XXYLT1: variants seen among roughly 807,000 people sequenced by gnomAD.
The protein encoded by XXYLT1 is UDP-xylose:alpha-xyloside alpha-1,3-xylosyltransferase.
In XXYLT1, 20 loss-of-function variants were observed where a neutral mutation model predicts 28.9. The ratio of observed to expected loss-of-function variants is 0.69; its 90% CI spans 0.49 to 1.00. XXYLT1 has a LOEUF of 1.00. Among genes scored for constraint, XXYLT1 ranks in the 50% least tolerant of loss-of-function variants. The pLI is 0.00. For missense variants in XXYLT1, 542 were observed against 560.1 expected (o/e 0.97, Z 0.33); for synonymous variants, 257 against 253.8 (o/e 1.01, Z -0.12).
chr3:195,127,443 C>T (rs1002134324), intron 3 of XXYLT1, among the ~76,000 whole-genome samples: 8 of 152,020 alleles, frequency 5.3e-5, no homozygotes, highest in Non-Finnish European at 8.8e-5. Flanking sequence ...GCAAAGATTT[C>T]GAGGTGGCAT....
intron 1 of XXYLT1, among the ~76,000 whole-genome samples, chr3:195,245,383 C>G (rs1248661940): frequency 6.6e-6 from 1 of 151,850 alleles, no homozygotes. Flanking sequence ...TGGTCTTGAA[C>G]TCCTGCAAGT....
At chr3:195,164,319 A>G (rs1227089020) in intron 2 of XXYLT1, among the ~76,000 whole-genome samples, 1 of 152,144 alleles carries the variant, frequency 6.6e-6, no homozygotes, top group African/African-American at 2.4e-5. Flanking sequence ...GCTGCAGTGG[A>G]GCCGCTGCTG....
chr3:195,110,771 GTGTGTGTGGTGTATAAGTGTA>G (rs1717637295), intron 3 of XXYLT1, among the ~76,000 whole-genome samples: 2 of 6,488 alleles, frequency 3.1e-4, no homozygotes, highest in Non-Finnish European at 3.6e-4. Context: ...TGTGTGTGGT[GTGTGTGTGGTGTATAAGTGTA>G]TGTGGTGTAT....
chr3:195,193,070 A>G (rs1394489198), intron 2 of XXYLT1, among the ~76,000 whole-genome samples: 1 of 152,096 alleles, frequency 6.6e-6, no homozygotes, highest in South Asian at 2.1e-4. Context: ...CAGATCACCT[A>G]AAGTCAGAAG....
At chr3:195,262,888 G>A (rs1421512721) in intron 1 of XXYLT1, among the ~76,000 whole-genome samples, 1 of 152,156 alleles carries the variant, frequency 6.6e-6, no homozygotes, top group Non-Finnish European at 1.5e-5. Flanking sequence ...GATAAAATAT[G>A]CACTGTTCTC....
chr3:195,212,988 C>T (rs771794903), intron 2 of XXYLT1, among the ~76,000 whole-genome samples: 1 of 152,218 alleles, frequency 6.6e-6, no homozygotes, highest in African/African-American at 2.4e-5. Context: ...CCCCGGGGCC[C>T]CCACCACAAT....
intron 3 of XXYLT1, among the ~76,000 whole-genome samples, chr3:195,104,843 T>C (rs1716999969): frequency 6.6e-6 from 1 of 152,210 alleles, no homozygotes; most frequent in Non-Finnish European, 1.5e-5. Flanking sequence ...GTCTGGTCTG[T>C]GGAATATCAG....
intron 3 of XXYLT1, among the ~76,000 whole-genome samples, chr3:195,143,516 C>T (rs1176626247): frequency 6.6e-6 from 1 of 152,030 alleles, no homozygotes; most frequent in African/African-American, 2.4e-5. Flanking sequence ...TCACACAAAA[C>T]AAAACACAGA....
intron 1 of XXYLT1, among the ~76,000 whole-genome samples, chr3:195,242,426 C>G: frequency 6.6e-6 from 1 of 152,132 alleles, no homozygotes; most frequent in East Asian, 1.9e-4. Context: ...ACTACTGATA[C>G]GACTTTGATG....
intron 1 of XXYLT1, among the ~76,000 whole-genome samples, chr3:195,229,370 G>C (rs1042237379): frequency 1.3e-5 from 2 of 152,114 alleles, no homozygotes; most frequent in Non-Finnish European, 2.9e-5. Context: ...ATCACCTCAA[G>C]CATTTATCCT....
At position 195,240,537 on chromosome 3, in the gene XXYLT1, G is replaced by A. The variant is rs912885896; in HGVS notation, c.505-13681C>T. Among the ~76,000 whole-genome samples the A allele has an allele frequency of 6.6e-6, 1 of 152,256 alleles. No homozygotes were observed. Among genetic ancestry groups the A allele is most frequent in the Non-Finnish European group, 1.5e-5 (1 of 68,040 alleles). On this transcript the variant is annotated intron_variant, in intron 1 of 3. Transcript: ENST00000310380. The surrounding 1 kb of genome is among the most constrained non-coding windows in gnomAD (Gnocchi z 4.7). ...CCACACTCCTGAGCCAAGAAGGCAC[G>A]TGGCAAGGGCTGGCCCCACGCACGG...
intron 3 of XXYLT1, chr3:195,147,843 C>T (rs897922284): frequency 6.6e-6 from 1 of 152,298 alleles, no homozygotes; most frequent in African/African-American, 2.4e-5. Flanking sequence ...CTTCCTCACT[C>T]ATTCTTTCAG....
intron 2 of XXYLT1, chr3:195,175,798 C>A: frequency 6.8e-7 from 1 of 1,473,058 alleles, no homozygotes; most frequent in South Asian, 1.3e-5. Context: ...CAGATGGCGT[C>A]GTTACAGGAT....
intron 1 of XXYLT1, among the ~76,000 whole-genome samples, chr3:195,247,477 C>T (rs1192023848): frequency 2.0e-5 from 3 of 152,246 alleles, no homozygotes. Context: ...CCGGGAGGCT[C>T]GTCCCCATCT....
At chr3:195,109,698 CTGGTG>C (rs1353515432) in intron 3 of XXYLT1, among the ~76,000 whole-genome samples, 32 of 17,580 alleles carry the variant, frequency 1.8e-3, no homozygotes, top group Admixed American at 3.9e-3. Flanking sequence ...TGTGTGGTGT[CTGGTG>C]TGTGTGGTGT....
At chr3:195,102,413 T>G (rs1716842436) in intron 3 of XXYLT1, among the ~76,000 whole-genome samples, 1 of 152,204 alleles carries the variant, frequency 6.6e-6, no homozygotes, top group Non-Finnish European at 1.5e-5. Context: ...CTGTATCCCC[T>G]GACTGGTATC....
chr3:195,204,616 C>T (rs990859477), intron 2 of XXYLT1, among the ~76,000 whole-genome samples: 1 of 152,142 alleles, frequency 6.6e-6, no homozygotes. Flanking sequence ...GTGGCCGTGC[C>T]GAAGCCTGGT....
intron 3 of XXYLT1, among the ~76,000 whole-genome samples, chr3:195,102,292 A>C (rs1429931438): frequency 6.6e-6 from 1 of 151,944 alleles, no homozygotes; most frequent in African/African-American, 2.4e-5. Context: ...GTGTGGCAAG[A>C]GCACCTAAAA....
At chr3:195,099,982 TCTCC>T (rs1178140940) in intron 3 of XXYLT1, among the ~76,000 whole-genome samples, 3 of 152,000 alleles carry the variant, frequency 2.0e-5, no homozygotes, top group Non-Finnish European at 4.4e-5. Flanking sequence ...AGAGAAAAAT[TCTCC>T]CTGTCTTACT....
Sources: gnomAD v4.1 joint callset for allele counts (sites outside exome capture counted in the v4.1 genomes callset) on GRCh38, gnomAD v4.1.1 for gene constraint, Gnocchi (gnomAD v3.1) non-coding constraint, MANE v1.5 for transcripts, NCBI Gene and HGNC (gene_info 2026-07-23, HGNC 2026-07-21) for gene names.